CORIN: variants seen among roughly 807,000 people sequenced by gnomAD.
CORIN encodes the protein corin, serine peptidase, also known as atrial natriuretic peptide-converting enzyme.
A neutral mutation model predicts 125.3 loss-of-function variants in CORIN; 117 were observed. That is an observed-to-expected ratio of 0.93 (90% CI 0.80 to 1.09). The LOEUF (loss-of-function observed/expected upper bound fraction) is 1.09, where lower values mean the gene tolerates loss of function less well. CORIN is among the 50% of genes least tolerant of loss of function. The pLI, the probability that CORIN is intolerant of heterozygous loss-of-function variation, is 0.00. For synonymous variants in CORIN, 450 were observed against 466.4 expected (o/e 0.96, Z 0.45); for missense variants, 1,253 against 1,306.7 (o/e 0.96, Z 0.63).
Position 47,763,372 on chromosome 4 carries a change from G to A in CORIN, c.617+7C>T, listed in dbSNP as rs111915728. ...CTTATCACTGAATAATCTGGGTTCCGAAATACCTGTCATCGCCATCAATGA... is the reference window on the plus strand; with the variant it reads ...CTTATCACTGAATAATCTGGGTTCCAAAATACCTGTCATCGCCATCAATGA... On this transcript the variant is annotated splice_region_variant and intron_variant, in intron 4 of 21. Transcript: ENST00000273857. 2.5e-3 allele frequency: 4,078 copies of A among 1,609,798 alleles called. 76 individuals are homozygous for A. In the African/African-American group the frequency reaches 0.042, roughly 17 times the overall value.
chr4:47,762,252 G>A (rs1176467223), intron 4 of CORIN, among the ~76,000 whole-genome samples: 2 of 152,052 alleles, frequency 1.3e-5, no homozygotes, highest in African/African-American at 4.8e-5. Context: ...CATCATGTAT[G>A]TATACTTCAA....
At chr4:47,630,087 T>C (rs1216884678) in intron 16 of CORIN, among the ~76,000 whole-genome samples, 1 of 152,174 alleles carries the variant, frequency 6.6e-6, no homozygotes, top group African/African-American at 2.4e-5. Flanking sequence ...ACTTAACTAA[T>C]CTCTGCACAC....
chr4:47,759,125 G>A (rs1250350751), intron 4 of CORIN, among the ~76,000 whole-genome samples: 1 of 152,126 alleles, frequency 6.6e-6, no homozygotes, highest in Non-Finnish European at 1.5e-5. Flanking sequence ...TTCATGCAAT[G>A]GAGAAAAGAC....
At chr4:47,790,324 C>T (rs1239203022) in intron 2 of CORIN, 2 of 297,684 alleles carry the variant, frequency 6.7e-6, no homozygotes, top group African/African-American at 2.3e-5. Context: ...TGGGGTGGAG[C>T]CTCAGGAGGT....
At chr4:47,757,543 C>T (rs1043998705) in intron 4 of CORIN, among the ~76,000 whole-genome samples, 4 of 150,840 alleles carry the variant, frequency 2.7e-5, no homozygotes, top group African/African-American at 4.9e-5. Flanking sequence ...TGCAGTGAGC[C>T]GAGATCACAC....
At chr4:47,673,468 A>T (rs1029067842) in intron 10 of CORIN, among the ~76,000 whole-genome samples, 1 of 152,126 alleles carries the variant, frequency 6.6e-6, no homozygotes, top group Admixed American at 6.5e-5. Context: ...TGCAGCAAAA[A>T]GTTCATTAGA....
At chr4:47,707,091 T>C in intron 5 of CORIN, 1 of 1,419,464 alleles carries the variant, frequency 7.0e-7, no homozygotes. Flanking sequence ...AGATGTTTCT[T>C]GAATGCTTTG....
intron 5 of CORIN, among the ~76,000 whole-genome samples, chr4:47,701,920 T>C (rs556899056): frequency 6.6e-6 from 1 of 152,284 alleles, no homozygotes; most frequent in African/African-American, 2.4e-5. Flanking sequence ...TTATTTATCA[T>C]TTCCTGAACA....
intron 13 of CORIN, chr4:47,652,800 C>T (rs1723794272): frequency 6.6e-6 from 1 of 152,174 alleles, no homozygotes; most frequent in Non-Finnish European, 1.5e-5. Context: ...GGAGTCTGAA[C>T]TCTGAATGTT....
chr4:47,641,952 CAA>C lies in CORIN; in HGVS notation c.2164_2165del (p.Leu722GlufsTer45). On this transcript the variant is annotated frameshift_variant, in exon 16 of 22. Coordinates refer to ENST00000273857, the MANE Select transcript of CORIN (RefSeq NM_006587.4). LOFTEE classifies it high-confidence loss of function. ...HVCADGWQEI[L>X]SQLACKQMGL... Reference sequence around the variant, plus strand: ...CCATCTGCTTGCAGGCCAGCTGACTCAATATCTCCTGCCAGCCATCTGCACAC... The same window carrying C: ...CCATCTGCTTGCAGGCCAGCTGACTCTATCTCCTGCCAGCCATCTGCACAC... 1 of 1,613,574 alleles carries C rather than the reference CAA, an allele frequency of 6.2e-7. No homozygotes were observed. Among genetic ancestry groups the C allele is most frequent in the Non-Finnish European group, 8.5e-7 (1 of 1,179,638 alleles).
intron 16 of CORIN, among the ~76,000 whole-genome samples, chr4:47,640,032 G>T (rs10938497): frequency 0.26 from 39,845 of 152,032 alleles, 5,473 homozygotes; most frequent in Admixed American, 0.36. Flanking sequence ...ATGGATATGG[G>T]TTTCCAACCA....
chr4:47,827,350 T>A (rs1732788133), intron 1 of CORIN, among the ~76,000 whole-genome samples: 1 of 152,214 alleles, frequency 6.6e-6, no homozygotes, highest in Non-Finnish European at 1.5e-5. Context: ...CAACATGCAT[T>A]CTAATAAAGC....
intron 2 of CORIN, among the ~76,000 whole-genome samples, chr4:47,802,551 GGAA>G (rs1317364962): frequency 6.6e-6 from 1 of 152,174 alleles, no homozygotes; most frequent in Non-Finnish European, 1.5e-5. Flanking sequence ...GGGAAGAGTG[GGAA>G]GGACTTTGTC....
At chr4:47,691,773 C>T (rs16860589) in intron 6 of CORIN, among the ~76,000 whole-genome samples, 3,370 of 151,404 alleles carry the variant, frequency 0.022, 123 homozygotes, top group African/African-American at 0.077. Flanking sequence ...TCAGATACTA[C>T]ATGAAACACC....
intron 13 of CORIN, among the ~76,000 whole-genome samples, chr4:47,645,821 G>A (rs2109622777): frequency 6.6e-6 from 1 of 152,264 alleles, no homozygotes; most frequent in Non-Finnish European, 1.5e-5. Flanking sequence ...AGGAGGTGGA[G>A]GTTGCAGTAA....
At chr4:47,803,211 C>T (rs1490731656) in intron 2 of CORIN, among the ~76,000 whole-genome samples, 1 of 151,844 alleles carries the variant, frequency 6.6e-6, no homozygotes, top group African/African-American at 2.4e-5. Context: ...GAAGAGGACA[C>T]CAAAAAATGG....
At chr4:47,751,934 C>T (rs777719525) in intron 4 of CORIN, among the ~76,000 whole-genome samples, 2 of 152,088 alleles carry the variant, frequency 1.3e-5, no homozygotes, top group Non-Finnish European at 2.9e-5. Flanking sequence ...TAGTAAGACC[C>T]TCTATTCCTC....
intron 4 of CORIN, among the ~76,000 whole-genome samples, chr4:47,755,505 T>A (rs538405044): frequency 1.3e-5 from 2 of 152,320 alleles, no homozygotes; most frequent in East Asian, 3.9e-4. Flanking sequence ...AAATTTTCAA[T>A]TAGAAAGTCT....
intron 3 of CORIN, among the ~76,000 whole-genome samples, chr4:47,782,755 T>C (rs906099247): frequency 1.3e-5 from 2 of 152,196 alleles, no homozygotes; most frequent in African/African-American, 4.8e-5. Context: ...ATATCACGGA[T>C]GCATTCTGAA....
Sources: allele counts gnomAD v4.1 joint callset (sites outside exome capture counted in the v4.1 genomes callset), GRCh38; gene constraint gnomAD v4.1.1; transcripts MANE v1.5; gene names NCBI Gene and HGNC (gene_info 2026-07-23, HGNC 2026-07-21).